Variants in PMPCB observed in about 807,000 individuals in gnomAD.
PMPCB encodes the protein mitochondrial-processing peptidase subunit beta.
PMPCB carries 46 observed loss-of-function variants against 61.5 expected under a neutral mutation model. The ratio of observed to expected loss-of-function variants is 0.75; its 90% CI spans 0.59 to 0.96. The LOEUF is 0.96. Ranked by LOEUF, PMPCB falls within the 40% of genes least tolerant of loss-of-function variation. The pLI is 0.00. For synonymous variants in PMPCB, 191 were observed against 201.6 expected (o/e 0.95, Z 0.44); for missense variants, 590 against 602.4 (o/e 0.98, Z 0.22).
chr7:103,309,458 C>G (rs1416890950), intron 8 of PMPCB, among the ~76,000 whole-genome samples: 1 of 152,158 alleles, frequency 6.6e-6, no homozygotes, highest in Admixed American at 6.5e-5. Flanking sequence ...ATGGTTGCAT[C>G]TGTACTAAAC....
In PMPCB at chr7:103,312,746, C is replaced by CTAAA. The variant is rs1817819741; in HGVS notation, c.*478_*481dup. ...ATTCAAGCAACTAAGATAGATAGTA[C>CTAAA]TAAATATACTGATTTCATTATCTGC... On this transcript the variant is annotated 3_prime_UTR_variant, in exon 13 of 13. Transcript: ENST00000249269. 7.2e-6 allele frequency: 11 copies of CTAAA among 1,538,162 alleles called. No individual in the cohort carries two copies. The highest frequency in any genetic ancestry group is 1.4e-5 in the African/African-American group (1 of 71,936).
At chr7:103,337,439 A>G in the PMPCB span, 2 of 258,344 alleles carry the variant, frequency 7.7e-6, no homozygotes, top group African/African-American at 4.5e-5. Context: ...ATACTTCTAA[A>G]GAGAGGTGAA....
At chr7:103,343,048 G>A in the PMPCB span, among the ~76,000 whole-genome samples, 2 of 151,848 alleles carry the variant, frequency 1.3e-5, no homozygotes, top group Admixed American at 6.6e-5. Flanking sequence ...TGTCCAGGCT[G>A]TAGTGCAATA....
chr7:103,325,623 G>A lies in PMPCB; in HGVS notation c.*1432-3308G>A, dbSNP rs141209663. On this transcript the variant is annotated intron_variant and NMD_transcript_variant, in intron 12 of 12. Coordinates refer to the PMPCB transcript ENST00000444457. ...AAACCAATAAATCAGAATCTTTCCA[G>A]GTGGAACTCAGGCATCAGGAGTTCT... 9.9e-5 allele frequency among the ~76,000 whole-genome samples: 15 copies of A among 152,246 alleles called. No homozygotes were observed. The East Asian group carries it at 2.9e-3, about 29-fold the overall frequency.
At chr7:103,332,519 G>T (rs1226573793), downstream of PMPCB, among the ~76,000 whole-genome samples, 1 of 152,078 alleles carries the variant, frequency 6.6e-6, no homozygotes, top group Non-Finnish European at 1.5e-5. Flanking sequence ...TTCAGCATTA[G>T]AATTTTTAAT....
chr7:103,346,819 TGTGTGTGTGTG>T, the PMPCB span, among the ~76,000 whole-genome samples: 11 of 2,176 alleles, frequency 5.1e-3, 1 homozygote, highest in Admixed American at 0.042. Flanking sequence ...GGCTGAATAA[TGTGTGTGTGTG>T]TGTGTGTGTG....
chr7:103,318,979 A>G (rs960004139), downstream of PMPCB, among the ~76,000 whole-genome samples: 4 of 152,188 alleles, frequency 2.6e-5, no homozygotes, highest in Non-Finnish European at 5.9e-5. Context: ...TGGGAGGCCA[A>G]TGCGGACGGA....
chr7:103,337,442 G>C, the PMPCB span: 18 of 267,802 alleles, frequency 6.7e-5, no homozygotes, highest in African/African-American at 3.8e-4. Flanking sequence ...CTTCTAAAGA[G>C]AGGTGAAGTA....
intron 12 of PMPCB, chr7:103,322,568 T>G: frequency 6.3e-7 from 1 of 1,597,510 alleles, no homozygotes; most frequent in South Asian, 1.1e-5. Flanking sequence ...TCTTTTCTGC[T>G]TCTTTCTTGG....
Position 103,310,270 on chromosome 7 carries a change from G to A in PMPCB, c.994-45G>A, listed in dbSNP as rs113156207. 0.021 allele frequency: 30,884 copies of A among 1,466,298 alleles called. 489 individuals are homozygous for A. The highest frequency in any genetic ancestry group is 0.023 in the Non-Finnish European group (24,438 of 1,053,028). The allele number at this position is 1,466,298 out of a possible 1,614,324, so 90.8% of individuals were successfully genotyped here. ...ACTCCATTTTTCTTTCTGTATTTTG[G>A]ACATGTATAATTAAAATTCTCTTGG... On this transcript the variant is annotated intron_variant, in intron 8 of 12. Coordinates refer to ENST00000249269, the MANE Select transcript of PMPCB (RefSeq NM_004279.3).
intron 12 of PMPCB, among the ~76,000 whole-genome samples, chr7:103,324,313 T>C (rs1355951958): frequency 3.3e-5 from 5 of 152,196 alleles, no homozygotes; most frequent in African/African-American, 1.2e-4. Context: ...AGAAATCTCA[T>C]TAATAGAAAA....
At position 103,310,297 on chromosome 7, in the gene PMPCB, A is replaced by G. The variant is rs1454051659; in HGVS notation, c.994-18A>G. 1 of 1,578,534 alleles carries G rather than the reference A, an allele frequency of 6.3e-7. No homozygotes were observed. Among genetic ancestry groups the G allele is most frequent in the African/African-American group, 1.4e-5 (1 of 73,646 alleles). ...CATGTATAATTAAAATTCTCTTGGA[A>G]TTTTTTTTTCCTTGCAGAATTTATC... On this transcript the variant is annotated intron_variant, in intron 8 of 12. Coordinates refer to ENST00000249269, the MANE Select transcript of PMPCB (RefSeq NM_004279.3).
Position 103,312,231 on chromosome 7 carries a change from T to C in PMPCB, c.1430T>C (p.Phe477Ser). 6.2e-6 allele frequency: 10 copies of C among 1,613,318 alleles called. No individual in the cohort carries two copies. Among genetic ancestry groups the C allele is most frequent in the Non-Finnish European group, 8.5e-6 (10 of 1,179,938 alleles). ...GGTCCCATTAAGCAACTACCAGATT[T>C]TAAACAGATACGCAGTAACATGTGT... ...AVGPIKQLPD[F>S]KQIRSNMCWL... The change falls in exon 13 of 13, where the codon TTT (phenylalanine) becomes TCT (serine). Residue 477 changes from phenylalanine to serine, a missense_variant. By Grantham distance (155) the Phe-to-Ser change is radical. Transcript: ENST00000249269.
downstream of PMPCB, among the ~76,000 whole-genome samples, chr7:103,314,952 C>T (rs1366666420): frequency 6.6e-6 from 1 of 152,148 alleles, no homozygotes; most frequent in Non-Finnish European, 1.5e-5. Flanking sequence ...GCTTTCAAAC[C>T]TTGTCATAGC....
the PMPCB span, among the ~76,000 whole-genome samples, chr7:103,341,345 G>C: frequency 6.6e-6 from 1 of 152,174 alleles, no homozygotes; most frequent in African/African-American, 2.4e-5. Context: ...ACACAACAGA[G>C]TTTGGTCTAG....
chr7:103,320,030 T>C (rs1818294609), intron 12 of PMPCB, among the ~76,000 whole-genome samples: 1 of 152,030 alleles, frequency 6.6e-6, no homozygotes, highest in East Asian at 1.9e-4. Flanking sequence ...CAAGACTCCA[T>C]CTCAAAAAAA....
chr7:103,341,259 A>T, the PMPCB span, among the ~76,000 whole-genome samples: 1 of 152,202 alleles, frequency 6.6e-6, no homozygotes, highest in Admixed American at 6.5e-5. Context: ...TTCTAAAATT[A>T]GCTAAGAAAC....
chr7:103,304,655 A>AT (rs1197885094), intron 6 of PMPCB, among the ~76,000 whole-genome samples, 165 bp downstream of exon 6: 4 of 151,796 alleles, frequency 2.6e-5, no homozygotes, highest in South Asian at 4.2e-4. Flanking sequence ...ATTTCCCTCT[A>AT]TTTTTTTTAA....
intron 4 of PMPCB, among the ~76,000 whole-genome samples, chr7:103,301,417 G>A (rs141675489): frequency 6.6e-6 from 1 of 152,294 alleles, no homozygotes; most frequent in East Asian, 1.9e-4. Flanking sequence ...GACTAATTAG[G>A]GACCAAGAAC....
Sources: gnomAD v4.1 joint callset for allele counts (sites outside exome capture counted in the v4.1 genomes callset) on GRCh38, gnomAD v4.1.1 for gene constraint, MANE v1.5 for transcripts, NCBI Gene and HGNC (gene_info 2026-07-23, HGNC 2026-07-21) for gene names.